Variants in PTCHD1 observed in about 807,000 individuals in gnomAD.
The protein encoded by PTCHD1 is patched domain containing 1, also known as patched domain-containing protein 1.
Under a neutral mutation model 34.6 loss-of-function variants are expected in PTCHD1, and 3 were observed. The ratio of observed to expected loss-of-function variants is 0.09; its 90% confidence interval spans 0.04 to 0.22. The LOEUF (loss-of-function observed/expected upper bound fraction) is 0.22. PTCHD1 is among the 10% of genes least tolerant of loss of function. The pLI, the probability that PTCHD1 is intolerant of heterozygous loss-of-function variation, is 1.00. For missense variants in PTCHD1, 504 were observed against 685.5 expected (o/e 0.74, Z 2.96); for synonymous variants, 305 against 283.1 (o/e 1.08, Z -0.77).
chrX:23,348,700 A>G (rs965299879), intron 1 of PTCHD1, among the ~76,000 whole-genome samples: 7 of 111,941 alleles, frequency 6.3e-5, no homozygotes, highest in Non-Finnish European at 1.3e-4. Flanking sequence ...CAGCAAAATT[A>G]TGCTTCAAAG....
At position 23,365,678 on chromosome X, in the gene PTCHD1, T is replaced by G. The variant is rs771271848; in HGVS notation, c.352-13913T>G. Among the ~76,000 whole-genome samples, 3 of 111,336 alleles carry G rather than the reference T, an allele frequency of 2.7e-5. No homozygotes were observed. The East Asian group carries it at 8.5e-4, about 32-fold the overall frequency. On this transcript the variant is annotated intron_variant, in intron 1 of 2. Coordinates refer to ENST00000379361, the MANE Select transcript of PTCHD1 (RefSeq NM_173495.3). ...TTTATAGGCCAAGTCCCATCTGTCA[T>G]TGGTTGAGGGATGCTCCTAAGGAGT...
intron 1 of PTCHD1, among the ~76,000 whole-genome samples, chrX:23,342,607 A>G (rs921407952): frequency 9.0e-6 from 1 of 110,718 alleles, no homozygotes; most frequent in African/African-American, 3.3e-5. Flanking sequence ...AAGTTTGACA[A>G]GTGCCAGTGG....
chrX:23,371,115 G>A (rs908386019), intron 1 of PTCHD1, among the ~76,000 whole-genome samples: 1 of 111,632 alleles, frequency 9.0e-6, no homozygotes, highest in Non-Finnish European at 1.9e-5. Context: ...AATTTCATAT[G>A]GTTTAACCTA....
rs1209234080 is a variant in PTCHD1 at position 23,402,484 on chromosome X, A to C, written c.*8299A>C. ...AATGACTGAATATGAGCTGAGGATA[A>C]TGTAAATTGTTCTGGATTGTCTATA... is the stretch of plus-strand genomic sequence containing the variant. On this transcript the variant is annotated 3_prime_UTR_variant, in exon 3 of 3. Coordinates refer to ENST00000379361, the MANE Select transcript of PTCHD1 (RefSeq NM_173495.3). 1.8e-5 allele frequency: 2 copies of C among 111,866 alleles called. No homozygotes were observed. The highest frequency in any genetic ancestry group is 3.2e-5 in the African/African-American group (1 of 30,817). 9.2% of individuals were successfully genotyped at this position (111,866 alleles called of 1,213,427 possible).
chrX:23,376,098 T>C (rs1922406964), intron 1 of PTCHD1, among the ~76,000 whole-genome samples: 1 of 112,225 alleles, frequency 8.9e-6, no homozygotes, highest in South Asian at 3.8e-4. Context: ...CATGAGATTT[T>C]TTCCACGCGC....
At chrX:23,359,299 T>G (rs193190513) in intron 1 of PTCHD1, among the ~76,000 whole-genome samples, 12 of 112,466 alleles carry the variant, frequency 1.1e-4, no homozygotes, top group Admixed American at 1.0e-3. Context: ...GTTCTTCCAT[T>G]TGTTTGTGTC....
intron 1 of PTCHD1, among the ~76,000 whole-genome samples, chrX:23,358,805 A>G (rs1193890649): frequency 9.5e-6 from 1 of 105,034 alleles, no homozygotes; most frequent in African/African-American, 3.5e-5. Flanking sequence ...TCTTTAATCC[A>G]ACTTGAATTA....
At chrX:23,342,020 T>A (rs1178507279) in intron 1 of PTCHD1, among the ~76,000 whole-genome samples, 2 of 107,739 alleles carry the variant, frequency 1.9e-5, no homozygotes, top group Non-Finnish European at 3.9e-5. Context: ...GATAGGGGAG[T>A]GGGGAAGTAA....
rs771040891 is a variant in PTCHD1, at chrX:23,394,865, C to T, written c.*680C>T. 2.6e-5 allele frequency: 3 copies of T among 113,318 alleles called. No homozygotes were observed. Among genetic ancestry groups the T allele is most frequent in the Non-Finnish European group, 3.7e-5 (2 of 53,576 alleles). The allele number at this position is 113,318 out of a possible 1,213,427, so 9.3% of individuals were successfully genotyped here. On this transcript the variant is annotated 3_prime_UTR_variant, in exon 3 of 3. Coordinates refer to ENST00000379361, the MANE Select transcript of PTCHD1 (RefSeq NM_173495.3). ...TTGTCTAGAATGAAATTATCATATTCCGCCATTGGTATGCCTTTAACATTT... is the reference window on the plus strand; with the variant it reads ...TTGTCTAGAATGAAATTATCATATTTCGCCATTGGTATGCCTTTAACATTT...
At position 23,395,609 on chromosome X, in the gene PTCHD1, C is replaced by T. The variant is rs756858986; in HGVS notation, c.*1424C>T. On this transcript the variant is annotated 3_prime_UTR_variant, in exon 3 of 3. Coordinates refer to ENST00000379361, the MANE Select transcript of PTCHD1 (RefSeq NM_173495.3). Reference sequence around the variant, plus strand: ...TTATACTCTTGACTTCCAGTATCTACAGAAGAATGGTTCATAGATCTAAAC... The same window carrying T: ...TTATACTCTTGACTTCCAGTATCTATAGAAGAATGGTTCATAGATCTAAAC... The T allele has an allele frequency of 1.2e-4, 13 of 111,680 alleles. No individual in the cohort carries two copies. Among genetic ancestry groups the T allele is most frequent in the Admixed American group, 3.8e-4 (4 of 10,457 alleles). 9.2% of individuals were successfully genotyped at this position (111,680 alleles called of 1,213,427 possible). A position where few individuals can be genotyped will look rare whatever the true frequency, so the allele number is the denominator to read the frequency against.
intron 1 of PTCHD1, among the ~76,000 whole-genome samples, chrX:23,352,102 A>G (rs1921653074): frequency 8.9e-6 from 1 of 112,088 alleles, no homozygotes; most frequent in Non-Finnish European, 1.9e-5. Flanking sequence ...ATTGACCTTA[A>G]AAAGAGAGAG....
intron 1 of PTCHD1, among the ~76,000 whole-genome samples, chrX:23,365,926 C>T (rs1346569535): frequency 8.9e-6 from 1 of 112,048 alleles, no homozygotes; most frequent in Non-Finnish European, 1.9e-5. Flanking sequence ...TAGAAGTGTA[C>T]ATACAGAAAA....
At chrX:23,338,389 C>T (rs1433889044) in intron 1 of PTCHD1, among the ~76,000 whole-genome samples, 1 of 112,168 alleles carries the variant, frequency 8.9e-6, no homozygotes, top group African/African-American at 3.2e-5. Context: ...TTTATAGATA[C>T]GTTTCGTTGC....
chrX:23,368,523 A>G (rs990068487), intron 1 of PTCHD1, among the ~76,000 whole-genome samples: 2 of 111,518 alleles, frequency 1.8e-5, no homozygotes, highest in African/African-American at 6.5e-5. Flanking sequence ...TGTGCCAGGC[A>G]CTACTCTAGG....
chrX:23,370,700 C>G (rs927760145), intron 1 of PTCHD1, among the ~76,000 whole-genome samples: 4 of 111,708 alleles, frequency 3.6e-5, no homozygotes, highest in African/African-American at 1.3e-4. Flanking sequence ...CATAGCAAAT[C>G]CTTTCAAAGA....
chrX:23,345,663 T>A (rs773218494), intron 1 of PTCHD1, among the ~76,000 whole-genome samples: 90 of 111,161 alleles, frequency 8.1e-4, no homozygotes, highest in Non-Finnish European at 1.5e-3. Context: ...GTTCGCAAGG[T>A]GATGCTGTTC....
chrX:23,397,049 T>G lies in PTCHD1; in HGVS notation c.*2864T>G, dbSNP rs1413889318. On this transcript the variant is annotated 3_prime_UTR_variant, in exon 3 of 3. Coordinates refer to ENST00000379361, the MANE Select transcript of PTCHD1 (RefSeq NM_173495.3). ...TTGAAGAAGCTGTGTTTTTTTTCTTTCAATTAATTCCAACCAAGACATTAA... is the reference window on the plus strand; with the variant it reads ...TTGAAGAAGCTGTGTTTTTTTTCTTGCAATTAATTCCAACCAAGACATTAA... The G allele has an allele frequency of 8.9e-6, 1 of 111,933 alleles. No individual in the cohort carries two copies. The highest frequency in any genetic ancestry group is 1.9e-5 in the Non-Finnish European group (1 of 53,215). The allele number at this position is 111,933 out of a possible 1,213,427, so 9.2% of individuals were successfully genotyped here.
chrX:23,383,287 C>T (rs1298089954), intron 2 of PTCHD1, among the ~76,000 whole-genome samples: 1 of 112,025 alleles, frequency 8.9e-6, no homozygotes, highest in Non-Finnish European at 1.9e-5. Context: ...AAGTCTCAAA[C>T]ATGGACATTT....
chrX:23,351,946 TA>T (rs1053877391), intron 1 of PTCHD1, among the ~76,000 whole-genome samples: 1 of 112,012 alleles, frequency 8.9e-6, no homozygotes, highest in African/African-American at 3.2e-5. Flanking sequence ...GACATGGGGT[TA>T]ATGAAGCCTT....
Sources: gnomAD v4.1 joint callset for allele counts (sites outside exome capture counted in the v4.1 genomes callset) on GRCh38, gnomAD v4.1.1 for gene constraint, MANE v1.5 for transcripts, NCBI Gene and HGNC (gene_info 2026-07-23, HGNC 2026-07-21) for gene names.